Variants in CELF4 observed in about 807,000 individuals in gnomAD.
CELF4 encodes the protein CUG-BP- and ETR-3-like factor 4.
A neutral mutation model predicts 59.9 loss-of-function variants in CELF4; 18 were observed. The observed-to-expected ratio is 0.30, with a 90% CI of 0.21 to 0.45. The LOEUF is 0.45. Ranked by LOEUF, CELF4 falls within the 20% of genes least tolerant of loss-of-function variation. The pLI is 1.00. For synonymous variants in CELF4, 261 were observed against 267.1 expected (o/e 0.98, Z 0.22); for missense variants, 456 against 689.0 (o/e 0.66, Z 3.79).
intron 2 of CELF4, among the ~76,000 whole-genome samples, chr18:37,480,910 G>A (rs2099865006): frequency 6.6e-6 from 1 of 152,162 alleles, no homozygotes; most frequent in African/African-American, 2.4e-5. Flanking sequence ...AGAAAAGTGA[G>A]AAGAAGGGAT....
At chr18:37,376,975 G>A (rs571687715) in intron 2 of CELF4, among the ~76,000 whole-genome samples, 2 of 152,250 alleles carry the variant, frequency 1.3e-5, no homozygotes, top group African/African-American at 4.8e-5. Context: ...CCAGGGATGG[G>A]GGAGTGGGCA....
chr18:37,447,211 A>G (rs920642914), intron 2 of CELF4, among the ~76,000 whole-genome samples: 8 of 152,240 alleles, frequency 5.3e-5, no homozygotes, highest in Non-Finnish European at 7.3e-5. Flanking sequence ...CCAGAAGCCA[A>G]TCACCAAACA....
chr18:37,378,942 T>C (rs62083576), intron 2 of CELF4, among the ~76,000 whole-genome samples: 23,805 of 152,212 alleles, frequency 0.16, 2,162 homozygotes, highest in East Asian at 0.25. Context: ...TTTTGTTCTC[T>C]GCAAGGCTGA....
chr18:37,400,934 G>A (rs2099319145), intron 2 of CELF4, among the ~76,000 whole-genome samples: 1 of 152,260 alleles, frequency 6.6e-6, no homozygotes, highest in South Asian at 2.1e-4. Context: ...GCTGATTTGT[G>A]TGTCACTATG....
chr18:37,478,597 G>A (rs192873457), intron 2 of CELF4, among the ~76,000 whole-genome samples: 8 of 152,168 alleles, frequency 5.3e-5, no homozygotes, highest in Non-Finnish European at 1.2e-4. Flanking sequence ...AGGGAAGACT[G>A]TGGGCACAGC....
chr18:37,559,913 C>T (rs1382692525), intron 1 of CELF4, among the ~76,000 whole-genome samples: 1 of 152,224 alleles, frequency 6.6e-6, no homozygotes, highest in Non-Finnish European at 1.5e-5. Context: ...AACTTCACTA[C>T]ATGAGTGTGT....
rs868751925 is a variant in CELF4, at chr18:37,315,450, C to A, written c.448+6353G>T. On this transcript the variant is annotated intron_variant, in intron 3 of 12. Transcript: ENST00000420428. ...CACCTTGCTGGCTTTTCTGTCATTT[C>A]GTGTTGATGAGATAAAACCTGGTGG... is the stretch of plus-strand genomic sequence containing the variant. 5.9e-5 allele frequency among the ~76,000 whole-genome samples: 9 copies of A among 152,262 alleles called. No homozygotes were observed. In the Middle Eastern group the frequency reaches 0.014, roughly 230 times the overall value.
intron 2 of CELF4, among the ~76,000 whole-genome samples, chr18:37,401,067 G>T (rs1016542401): frequency 5.3e-5 from 8 of 152,314 alleles, no homozygotes; most frequent in Middle Eastern, 3.4e-3. Context: ...TGCTTCTGCT[G>T]GGCTCTACTG....
chr18:37,270,989 A>G, intron 7 of CELF4, 72 bp from the exon 8 acceptor site: 1 of 1,338,734 alleles, frequency 7.5e-7, no homozygotes, highest in Non-Finnish European at 1.0e-6. Context: ...AGGCCCACCC[A>G]TAAAGCTTCA....
At chr18:37,408,241 A>T (rs746529625) in intron 2 of CELF4, among the ~76,000 whole-genome samples, 2 of 152,090 alleles carry the variant, frequency 1.3e-5, no homozygotes, top group Non-Finnish European at 2.9e-5. Flanking sequence ...AAGCAGGATT[A>T]TTTATTAAAA....
At chr18:37,429,643 A>G (rs1426656476) in intron 2 of CELF4, among the ~76,000 whole-genome samples, 1 of 152,156 alleles carries the variant, frequency 6.6e-6, no homozygotes, top group Non-Finnish European at 1.5e-5. Context: ...GCTCTAGCAG[A>G]CACAGGCAAG....
intron 1 of CELF4, among the ~76,000 whole-genome samples, chr18:37,486,958 A>T (rs903161595): frequency 3.9e-5 from 6 of 152,192 alleles, no homozygotes; most frequent in African/African-American, 1.4e-4. Flanking sequence ...GTCCATCCCC[A>T]GCCAGTCTCC....
chr18:37,284,477 C>T (rs1253498900), intron 3 of CELF4, among the ~76,000 whole-genome samples: 1 of 152,202 alleles, frequency 6.6e-6, no homozygotes, highest in African/African-American at 2.4e-5. Flanking sequence ...CCATGCCCTC[C>T]CTTGGCTCCC....
chr18:37,433,400 C>T (rs183615508), intron 2 of CELF4, among the ~76,000 whole-genome samples: 457 of 152,220 alleles, frequency 3.0e-3, no homozygotes, highest in African/African-American at 0.01. Context: ...TCTGTGGGGT[C>T]ATCATTCTTT....
At chr18:37,530,026 G>C (rs1238004838) in intron 1 of CELF4, among the ~76,000 whole-genome samples, 1 of 152,168 alleles carries the variant, frequency 6.6e-6, no homozygotes, top group African/African-American at 2.4e-5. Context: ...GGTTACATCA[G>C]CGTTGGAGCA....
At chr18:37,489,527 C>T (rs1332601503) in intron 1 of CELF4, among the ~76,000 whole-genome samples, 1 of 151,996 alleles carries the variant, frequency 6.6e-6, no homozygotes, top group African/African-American at 2.4e-5. Flanking sequence ...AACAGCTGGC[C>T]TTGACTTCCT....
At chr18:37,430,447 C>T (rs903044089) in intron 2 of CELF4, among the ~76,000 whole-genome samples, 2 of 152,200 alleles carry the variant, frequency 1.3e-5, no homozygotes, top group African/African-American at 4.8e-5. Flanking sequence ...GTGGGCCCTC[C>T]ACCCCCACTC....
intron 2 of CELF4, among the ~76,000 whole-genome samples, chr18:37,425,834 C>T (rs138705714): frequency 6.6e-6 from 1 of 152,250 alleles, no homozygotes; most frequent in East Asian, 1.9e-4. Context: ...ATGTTACCAT[C>T]AAGGCCTGCC....
At chr18:37,314,962 G>A (rs576829684) in intron 3 of CELF4, among the ~76,000 whole-genome samples, 38 of 152,260 alleles carry the variant, frequency 2.5e-4, no homozygotes, top group African/African-American at 8.4e-4. Context: ...GTGTGTTGTC[G>A]GCCGGTGGTT....
Sources: gnomAD v4.1 joint callset for allele counts (sites outside exome capture counted in the v4.1 genomes callset) on GRCh38, gnomAD v4.1.1 for gene constraint, MANE v1.5 for transcripts, NCBI Gene and HGNC (gene_info 2026-07-23, HGNC 2026-07-21) for gene names.